Variants in KDM7A observed in about 807,000 individuals in gnomAD.
KDM7A encodes lysine demethylase 7A.
In KDM7A, 28 loss-of-function variants were observed where a neutral mutation model predicts 114.8. The observed-to-expected ratio is 0.24, with a 90% confidence interval of 0.18 to 0.33. The LOEUF (loss-of-function observed/expected upper bound fraction) is 0.33, where lower values mean the gene tolerates loss of function less well. KDM7A is among the 10% of genes least tolerant of loss of function. The pLI, the probability that KDM7A is intolerant of heterozygous loss-of-function variation, is 1.00. For missense variants in KDM7A, 942 were observed against 1,142.5 expected, an observed-to-expected ratio of 0.82 and a Z score of 2.53; for synonymous variants, 423 against 397.8, an observed-to-expected ratio of 1.06 and a Z score of -0.75.
chr7:140,147,549 G>A (rs1205596161), intron 1 of KDM7A, among the ~76,000 whole-genome samples: 1 of 152,022 alleles, frequency 6.6e-6, no homozygotes, highest in African/African-American at 2.4e-5. Context: ...CTCATCCAAA[G>A]CACCCAACTA....
Position 140,115,614 on chromosome 7 carries a change from T to A in KDM7A, c.1247-2032A>T, listed in dbSNP as rs1818514152. Reference sequence around the variant, plus strand: ...AAGGTAGCATGCTCGTTAAGAGTCATCACCACTCCCTAATCTCAAGTAATC... The same window carrying A: ...AAGGTAGCATGCTCGTTAAGAGTCAACACCACTCCCTAATCTCAAGTAATC... On this transcript the variant is annotated intron_variant, in intron 9 of 19. Coordinates refer to ENST00000397560, the MANE Select transcript of KDM7A (RefSeq NM_030647.2). Among the ~76,000 whole-genome samples the A allele has an allele frequency of 2.0e-5, 3 of 151,904 alleles. No homozygotes were observed. In the South Asian group the frequency reaches 6.2e-4, roughly 32 times the overall value.
At chr7:140,151,461 C>CTA (rs1794399553) in intron 1 of KDM7A, among the ~76,000 whole-genome samples, 1 of 152,108 alleles carries the variant, frequency 6.6e-6, no homozygotes, top group East Asian at 1.9e-4. Context: ...CATCTTGGAG[C>CTA]CCGTTTAAAT....
At position 140,176,600 on chromosome 7, in the gene KDM7A, G is replaced by C; in HGVS notation, c.194+144C>G. On this transcript the variant is annotated intron_variant, in intron 1 of 19. Transcript: ENST00000397560. This position sits in a 1 kb window ranked among gnomAD's most constrained non-coding sequence, Gnocchi z 4.4. ...CGGGGCACCGCGCGCCCCACTGCCC[G>C]GCCGGGGGGCTAGGCACCGGGGCCC... is the stretch of plus-strand genomic sequence containing the variant. 2.0e-6 allele frequency: 1 copy of C among 489,016 alleles called. No homozygotes were observed. Among genetic ancestry groups the C allele is most frequent in the Non-Finnish European group, 2.6e-6 (1 of 377,658 alleles). The allele number at this position is 489,016 out of a possible 1,614,324, so 30.3% of individuals were successfully genotyped here. A position where few individuals can be genotyped will look rare whatever the true frequency, so the allele number is the denominator to read the frequency against.
At chr7:140,171,833 T>C (rs1794646266) in intron 1 of KDM7A, among the ~76,000 whole-genome samples, 1 of 151,928 alleles carries the variant, frequency 6.6e-6, no homozygotes, top group African/African-American at 2.4e-5. Flanking sequence ...GTGAGATCCA[T>C]TCATGTTGTG....
intron 1 of KDM7A, among the ~76,000 whole-genome samples, chr7:140,164,759 A>G (rs1794555765): frequency 6.6e-6 from 1 of 152,202 alleles, no homozygotes; most frequent in South Asian, 2.1e-4. Context: ...TCACAGATAT[A>G]ATGATATGGT....
intron 1 of KDM7A, among the ~76,000 whole-genome samples, chr7:140,162,377 C>T (rs963747407): frequency 2.6e-5 from 4 of 151,762 alleles, no homozygotes; most frequent in African/African-American, 9.7e-5. Context: ...AACAGGAGTC[C>T]ATATTAGATG....
intron 6 of KDM7A, among the ~76,000 whole-genome samples, chr7:140,126,176 G>T (rs985688546): frequency 1.3e-5 from 2 of 152,138 alleles, no homozygotes; most frequent in Non-Finnish European, 2.9e-5. Context: ...CTCTCAAAGC[G>T]CTGGGATTAT....
intron 15 of KDM7A, 32 bp from the exon 16 acceptor site, chr7:140,097,079 C>T: frequency 3.2e-6 from 5 of 1,568,680 alleles, no homozygotes; most frequent in Non-Finnish European, 4.4e-6. Flanking sequence ...AACAAAGCTA[C>T]ATAAGAAATT....
Position 140,124,700 on chromosome 7 carries a change from A to G in KDM7A, c.972T>C (p.Ser324=), listed in dbSNP as rs770573366. The part of the protein sequence containing the change: ...YESWSSSVTQ[S]EVFFGDKVDK... ...CCACCTTATCTCCAAAGAACACCTC[A>G]CTCTGGGTCACAGATGAACTCCAAG... Residue 324 remains serine, a synonymous_variant, in exon 7 of 20, where the codon AGT becomes AGC. Transcript: ENST00000397560. The G allele has an allele frequency of 1.2e-6, 2 of 1,613,038 alleles. No homozygotes were observed. The highest frequency in any genetic ancestry group is 4.5e-5 in the East Asian group (2 of 44,856).
chr7:140,145,787 C>T lies in KDM7A; in HGVS notation c.195-6597G>A, dbSNP rs528594738. Reference sequence around the variant, plus strand: ...CCTCACTCCTAAGAAGTGACTGTGACACCAAAAGAATTAGAGAAAAAAAAT... The same window carrying T: ...CCTCACTCCTAAGAAGTGACTGTGATACCAAAAGAATTAGAGAAAAAAAAT... On this transcript the variant is annotated intron_variant, in intron 1 of 19. Coordinates refer to ENST00000397560, the MANE Select transcript of KDM7A (RefSeq NM_030647.2). 1.2e-4 allele frequency among the ~76,000 whole-genome samples: 19 copies of T among 152,086 alleles called. No individual in the cohort carries two copies. In the East Asian group the frequency reaches 1.9e-3, roughly 15 times the overall value.
intron 9 of KDM7A, among the ~76,000 whole-genome samples, chr7:140,114,860 G>A (rs1465988133): frequency 2.0e-5 from 2 of 100,278 alleles, no homozygotes; most frequent in African/African-American, 8.1e-5. Flanking sequence ...CCCGGCAGCC[G>A]CCCCGTCTGA....
intron 8 of KDM7A, 79 bp downstream of exon 8, chr7:140,120,363 T>A: frequency 5.0e-6 from 4 of 793,916 alleles, no homozygotes; most frequent in South Asian, 3.1e-5. Flanking sequence ...AATAAGCTAT[T>A]GATTTTTTTT....
intron 1 of KDM7A, among the ~76,000 whole-genome samples, chr7:140,148,301 G>T (rs1032438807): frequency 2.0e-5 from 3 of 151,638 alleles, no homozygotes; most frequent in African/African-American, 2.4e-5. Flanking sequence ...TCTCTCTCTC[G>T]AGTCAGTCTG....
chr7:140,105,410 T>C (rs1300748025), intron 11 of KDM7A, among the ~76,000 whole-genome samples: 2 of 152,246 alleles, frequency 1.3e-5, no homozygotes, highest in African/African-American at 2.4e-5. Flanking sequence ...TTCATTATGA[T>C]ATTGGCTGTG....
In KDM7A at chr7:140,087,116, A is replaced by T. The variant is rs1168439918; in HGVS notation, c.*3978T>A. 1 of 152,052 alleles carries T rather than the reference A, an allele frequency of 6.6e-6. No individual in the cohort carries two copies. The highest frequency in any genetic ancestry group is 1.5e-5 in the Non-Finnish European group (1 of 68,000). The allele number at this position is 152,052 out of a possible 1,614,324, so 9.4% of individuals were successfully genotyped here. A position where few individuals can be genotyped will look rare whatever the true frequency, so the allele number is the denominator to read the frequency against. On this transcript the variant is annotated 3_prime_UTR_variant, in exon 20 of 20. Coordinates refer to ENST00000397560, the MANE Select transcript of KDM7A (RefSeq NM_030647.2). Reference sequence around the variant, plus strand: ...CTACCAAGCAAACTGTTGGTACCCAACCCAGAGCTGTCTTTGTGCATTCTC... The same window carrying T: ...CTACCAAGCAAACTGTTGGTACCCATCCCAGAGCTGTCTTTGTGCATTCTC...
intron 5 of KDM7A, 133 bp from the exon 6 acceptor site, chr7:140,126,956 A>C: frequency 1.4e-6 from 1 of 694,148 alleles, no homozygotes; most frequent in Non-Finnish European, 2.4e-6. Flanking sequence ...TAAAAGTTTA[A>C]AACACATGTT....
intron 1 of KDM7A, among the ~76,000 whole-genome samples, chr7:140,174,624 C>T (rs146256658): frequency 6.6e-6 from 1 of 151,856 alleles, no homozygotes; most frequent in East Asian, 1.9e-4. Context: ...TTTTTTGAGA[C>T]GGAGTCTCAC....
intron 19 of KDM7A, among the ~76,000 whole-genome samples, chr7:140,091,413 A>G (rs976694131): frequency 5.9e-5 from 9 of 152,204 alleles, no homozygotes; most frequent in African/African-American, 2.2e-4. Flanking sequence ...CCTGCTCTTC[A>G]GCCTGGGCTC....
At chr7:140,100,109 C>T (rs1296768849) in intron 12 of KDM7A, 86 bp from the exon 13 acceptor site, 2 of 1,410,720 alleles carry the variant, frequency 1.4e-6, no homozygotes, top group East Asian at 2.3e-5. Context: ...CACCACCTCC[C>T]CCATGGTCCT....
Sources: allele counts gnomAD v4.1 joint callset (sites outside exome capture counted in the v4.1 genomes callset), GRCh38; gene constraint gnomAD v4.1.1; non-coding constraint Gnocchi (gnomAD v3.1); transcripts MANE v1.5; gene names NCBI Gene and HGNC (gene_info 2026-07-23, HGNC 2026-07-21).